The following AFF3 variants were observed in gnomAD, a reference collection of about 807,000 sequenced individuals.
AFF3 encodes ALF transcription elongation factor 3, also known as AF4/FMR2 family member 3.
A neutral mutation model predicts 129.7 loss-of-function variants in AFF3; 32 were observed. That is an observed-to-expected ratio of 0.25 (90% CI 0.19 to 0.33). The LOEUF (loss-of-function observed/expected upper bound fraction) is 0.33, where lower values mean the gene tolerates loss of function less well. AFF3 is among the 10% of genes least tolerant of loss of function. The pLI is 1.00. For synonymous variants in AFF3, 644 were observed against 635.4 expected, an observed-to-expected ratio of 1.01 and a Z score of -0.20; for missense variants, 1,373 against 1,592.0, an observed-to-expected ratio of 0.86 and a Z score of 2.34.
intron 7 of AFF3, among the ~76,000 whole-genome samples, chr2:99,982,333 C>A (rs1485129054): frequency 2.0e-5 from 3 of 152,204 alleles, no homozygotes; most frequent in Non-Finnish European, 4.4e-5. Flanking sequence ...ATTCCCTGCA[C>A]AAGCTCTCTC....
At chr2:100,131,964 C>T (rs961298872) in intron 1 of AFF3, among the ~76,000 whole-genome samples, 1 of 152,122 alleles carries the variant, frequency 6.6e-6, no homozygotes, top group Non-Finnish European at 1.5e-5. Context: ...GGATGGAGTG[C>T]CTGCCTTGAG....
At chr2:99,634,380 G>T (rs1036094565) in intron 13 of AFF3, among the ~76,000 whole-genome samples, 1 of 152,300 alleles carries the variant, frequency 6.6e-6, no homozygotes, top group African/African-American at 2.4e-5. Context: ...GGCTTGAAGG[G>T]GACCCAGGAA....
chr2:99,611,642 C>A (rs1363470069), intron 13 of AFF3, among the ~76,000 whole-genome samples: 1 of 152,042 alleles, frequency 6.6e-6, no homozygotes, highest in Non-Finnish European at 1.5e-5. Flanking sequence ...TCCCAACACA[C>A]TGGGGAGGCC....
chr2:99,617,418 A>T, intron 13 of AFF3, among the ~76,000 whole-genome samples: 1 of 152,228 alleles, frequency 6.6e-6, no homozygotes, highest in East Asian at 1.9e-4. Context: ...GATGTTGAGT[A>T]TCTTTTCATG....
At chr2:100,050,233 C>T (rs950128432) in intron 4 of AFF3, among the ~76,000 whole-genome samples, 1 of 152,038 alleles carries the variant, frequency 6.6e-6, no homozygotes, top group African/African-American at 2.4e-5. Flanking sequence ...TTGCAAATGG[C>T]TTCACGGTTG....
At chr2:100,004,763 A>T (rs1044195554) in intron 7 of AFF3, among the ~76,000 whole-genome samples, 2 of 152,104 alleles carry the variant, frequency 1.3e-5, no homozygotes, top group African/African-American at 4.8e-5. Flanking sequence ...GTGGGAGTGG[A>T]CTGATTAAAC....
chr2:99,782,802 A>G (rs1010090802), intron 8 of AFF3, among the ~76,000 whole-genome samples: 2 of 152,258 alleles, frequency 1.3e-5, no homozygotes, highest in African/African-American at 4.8e-5. Context: ...AACAACACAC[A>G]AAGTATTTTA....
At chr2:99,597,241 G>A (rs571872533) in intron 14 of AFF3, among the ~76,000 whole-genome samples, 1 of 152,276 alleles carries the variant, frequency 6.6e-6, no homozygotes, top group East Asian at 1.9e-4. Flanking sequence ...CCTCGTGAAA[G>A]GGGGACCGCA....
At chr2:99,991,634 G>A (rs1399085812) in intron 7 of AFF3, among the ~76,000 whole-genome samples, 1 of 152,134 alleles carries the variant, frequency 6.6e-6, no homozygotes, top group East Asian at 1.9e-4. Flanking sequence ...CGGGCGCAGG[G>A]GCTCATGCCT....
At chr2:99,865,830 G>T (rs1341496640) in intron 7 of AFF3, among the ~76,000 whole-genome samples, 1 of 152,170 alleles carries the variant, frequency 6.6e-6, no homozygotes, top group Admixed American at 6.5e-5. Flanking sequence ...GGACATAAAG[G>T]CTTACATTTT....
intron 13 of AFF3, among the ~76,000 whole-genome samples, chr2:99,648,917 A>ACACACTCTCTCTCTCTCTCTCT: frequency 1.1e-4 from 5 of 46,936 alleles, no homozygotes; most frequent in African/African-American, 1.9e-4. Context: ...ACACACACAC[A>ACACACTCTCTCTCTCTCTCTCT]CTCTCTCTCT....
At chr2:99,733,905 T>C (rs1289196175) in intron 10 of AFF3, among the ~76,000 whole-genome samples, 4 of 152,216 alleles carry the variant, frequency 2.6e-5, no homozygotes, top group African/African-American at 9.6e-5. Flanking sequence ...TGGCTATTCT[T>C]AGCCCTTTGA....
chr2:99,869,719 GC>G (rs981891384), intron 7 of AFF3, among the ~76,000 whole-genome samples: 6 of 152,254 alleles, frequency 3.9e-5, no homozygotes, highest in African/African-American at 1.4e-4. Flanking sequence ...GTGCTAGACA[GC>G]CACCAAAACC....
intron 7 of AFF3, among the ~76,000 whole-genome samples, chr2:99,889,177 G>A (rs1693349450): frequency 6.6e-6 from 1 of 151,968 alleles, no homozygotes; most frequent in Non-Finnish European, 1.5e-5. Flanking sequence ...TGTCCAGGCT[G>A]GAGTACAGTG....
chr2:100,080,860 G>C (rs1688989573), intron 4 of AFF3, among the ~76,000 whole-genome samples: 1 of 152,124 alleles, frequency 6.6e-6, no homozygotes, highest in South Asian at 2.1e-4. Context: ...GCTGGGAGCA[G>C]ACTAAGTTGT....
intron 18 of AFF3, among the ~76,000 whole-genome samples, chr2:99,570,574 G>C (rs971515289): frequency 2.6e-5 from 4 of 152,158 alleles, no homozygotes; most frequent in Non-Finnish European, 5.9e-5. Flanking sequence ...CTGAGGTCAA[G>C]TGATCCACCT....
At chr2:99,561,291 G>A (rs960165431) in intron 20 of AFF3, among the ~76,000 whole-genome samples, 1 of 152,216 alleles carries the variant, frequency 6.6e-6, no homozygotes, top group Non-Finnish European at 1.5e-5. Context: ...TGGCTGGCTT[G>A]TAAATTGCTC....
intron 9 of AFF3, among the ~76,000 whole-genome samples, chr2:99,749,269 C>A (rs1463731009): frequency 6.6e-6 from 1 of 152,160 alleles, no homozygotes; most frequent in Admixed American, 6.5e-5. Context: ...TAAATACATA[C>A]AATTTTTGTC....
intron 18 of AFF3, among the ~76,000 whole-genome samples, chr2:99,569,675 G>A (rs1386644203): frequency 1.3e-5 from 2 of 152,076 alleles, no homozygotes; most frequent in Non-Finnish European, 2.9e-5. Context: ...GTTACGCTAA[G>A]GTACTCATTA....
Sources: gnomAD v4.1 joint callset for allele counts (sites outside exome capture counted in the v4.1 genomes callset) on GRCh38, gnomAD v4.1.1 for gene constraint, MANE v1.5 for transcripts, NCBI Gene and HGNC (gene_info 2026-07-23, HGNC 2026-07-21) for gene names.